The following GPRC5C variants were observed in gnomAD, a reference collection of about 807,000 sequenced individuals.
The protein encoded by GPRC5C is G protein-coupled receptor class C group 5 member C, also known as G protein-coupled receptor family C group 5 member C.
In GPRC5C, 22 loss-of-function variants were observed where a neutral mutation model predicts 31.4. The observed-to-expected ratio is 0.70, with a 90% CI of 0.50 to 1.00. The LOEUF is 1.00. Among genes scored for constraint, GPRC5C ranks in the 50% least tolerant of loss-of-function variants. The pLI is 0.00. For synonymous variants in GPRC5C, 249 were observed against 257.5 expected (o/e 0.97, Z 0.32); for missense variants, 557 against 597.2 (o/e 0.93, Z 0.70).
chr17:74,448,400 CAG>C (rs1293016631), downstream of GPRC5C, among the ~76,000 whole-genome samples: 3 of 151,914 alleles, frequency 2.0e-5, no homozygotes, highest in Non-Finnish European at 2.9e-5. Flanking sequence ...TTTTTTGAGA[CAG>C]AGTCTTGGTC....
rs367566990 is a variant in GPRC5C at position 74,440,201 on chromosome 17, A to C, written c.425A>C (p.Asn142Thr). 4.7e-5 allele frequency: 76 copies of C among 1,613,794 alleles called. No homozygotes were observed. In the African/African-American group the frequency reaches 5.6e-4, roughly 12 times the overall value. ...SCLAAHVFAL[N>T]FLARKNHGPR... ...CTGGCGGCTCACGTCTTTGCCCTCA[A>C]CTTCCTGGCCCGGAAGAACCACGGG... The change falls in exon 2 of 4, where the codon AAC becomes ACC. Residue 142 changes from asparagine (N) to threonine (T), a missense_variant. By Grantham distance (65) the Asn-to-Thr change is moderately conservative. Transcript: ENST00000392627. This position sits in a 1 kb window ranked among gnomAD's most constrained non-coding sequence, Gnocchi z 4.4.
At chr17:74,439,019 C>G (rs1012905987) in intron 1 of GPRC5C, among the ~76,000 whole-genome samples, 2 of 152,176 alleles carry the variant, frequency 1.3e-5, no homozygotes, top group Admixed American at 6.6e-5. Context: ...TTTTGCATTG[C>G]CCTTGCCTGG....
chr17:74,443,526 G>A (rs761374546), intron 2 of GPRC5C: 234 of 563,592 alleles, frequency 4.2e-4, no homozygotes, highest in Non-Finnish European at 6.7e-4. Flanking sequence ...GTTGCTGACA[G>A]AGCATTTTCT....
chr17:74,451,112 T>C (rs902093240), downstream of GPRC5C: 4 of 152,174 alleles, frequency 2.6e-5, no homozygotes, highest in East Asian at 7.7e-4. Context: ...TTCCCTCCAG[T>C]GGAAGGGAAG....
At chr17:74,445,975 G>A (rs1255849675) in intron 3 of GPRC5C, 2 of 100,274 alleles carry the variant, frequency 2.0e-5, no homozygotes, top group Middle Eastern at 4.4e-3. Flanking sequence ...CCCTGGCAAC[G>A]TAGTGAGACC....
chr17:74,440,908 G>A lies in GPRC5C; in HGVS notation c.1051+81G>A. 4.8e-6 allele frequency: 6 copies of A among 1,257,902 alleles called. No individual in the cohort carries two copies. The highest frequency in any genetic ancestry group is 5.2e-6 in the Non-Finnish European group (5 of 958,840). 77.9% of individuals were successfully genotyped at this position (1,257,902 alleles called of 1,614,324 possible). On this transcript the variant is annotated intron_variant, in intron 2 of 3. Coordinates refer to ENST00000392627, the MANE Select transcript of GPRC5C (RefSeq NM_022036.4). This position sits in a 1 kb window ranked among gnomAD's most constrained non-coding sequence, Gnocchi z 4.4. ...GCAGGACAGGGAGCCAGTCTCTTGA[G>A]CAAAATGGAAAGTTTTTGAGGTTTT...
intron 1 of GPRC5C, among the ~76,000 whole-genome samples, chr17:74,439,238 T>C (rs2055488016): frequency 6.6e-6 from 1 of 152,226 alleles, no homozygotes; most frequent in Non-Finnish European, 1.5e-5. Flanking sequence ...CTGCTGCAGC[T>C]GCTTGTTAAG....
At chr17:74,432,297 G>T (rs1402748246) in intron 1 of GPRC5C, 156 bp downstream of exon 1, 2 of 1,466,630 alleles carry the variant, frequency 1.4e-6, no homozygotes, top group Non-Finnish European at 1.8e-6. Flanking sequence ...AAGGAGCCCT[G>T]CCTGGGGACA....
chr17:74,433,775 T>C (rs748268405), intron 1 of GPRC5C: 1 of 1,600,480 alleles, frequency 6.2e-7, no homozygotes, highest in Non-Finnish European at 8.6e-7. Context: ...TTGAGTTTGG[T>C]TGGCCCTGTG....
chr17:74,435,772 T>C (rs1246242763), intron 1 of GPRC5C, among the ~76,000 whole-genome samples: 1 of 152,176 alleles, frequency 6.6e-6, no homozygotes, highest in Non-Finnish European at 1.5e-5. Context: ...TACAGGCAAG[T>C]ATTTCTAGGG....
chr17:74,440,756 T>C lies in GPRC5C; in HGVS notation c.980T>C (p.Ile327Thr). The C allele has an allele frequency of 1.3e-6, 2 of 1,581,570 alleles. No individual in the cohort carries two copies. Among genetic ancestry groups the C allele is most frequent in the East Asian group, 2.3e-5 (1 of 44,212 alleles). Reference protein sequence around the residue: ...YPTRGVGYETILKEQKGQSMF... With the variant: ...YPTRGVGYETTLKEQKGQSMF... ...ACCCGGGGCGTGGGCTATGAGACCATCCTGAAAGAGCAGAAGGGTCAGAGC... is the reference window on the plus strand; with the variant it reads ...ACCCGGGGCGTGGGCTATGAGACCACCCTGAAAGAGCAGAAGGGTCAGAGC... Residue 327 changes from isoleucine (I) to threonine (T), a missense_variant, in exon 2 of 4, where the codon ATC becomes ACC. By Grantham distance (89) the Ile-to-Thr change is moderately conservative. Coordinates refer to ENST00000392627, the MANE Select transcript of GPRC5C (RefSeq NM_022036.4). This position sits in a 1 kb window ranked among gnomAD's most constrained non-coding sequence, Gnocchi z 4.4.
rs752056775 is a variant in GPRC5C, at chr17:74,440,857, C to G, written c.1051+30C>G. Reference sequence around the variant, plus strand: ...GTCTCTGTGGATGCCCCCAGTGGCCCCTTTCTCCATCCCATGTCTTTTACT... The same window carrying G: ...GTCTCTGTGGATGCCCCCAGTGGCCGCTTTCTCCATCCCATGTCTTTTACT... On this transcript the variant is annotated intron_variant, in intron 2 of 3. Transcript: ENST00000392627. The surrounding 1 kb of genome is among the most constrained non-coding windows in gnomAD (Gnocchi z 4.4). 1.4e-6 allele frequency: 2 copies of G among 1,440,076 alleles called. No homozygotes were observed. The highest frequency in any genetic ancestry group is 5.0e-5 in the Admixed American group (2 of 40,032). The allele number at this position is 1,440,076 out of a possible 1,614,324, so 89.2% of individuals were successfully genotyped here.
At chr17:74,449,663 T>TC, downstream of GPRC5C, 1 of 230,784 alleles carries the variant, frequency 4.3e-6, no homozygotes, top group Non-Finnish European at 8.7e-6. Flanking sequence ...CACGCCCCCC[T>TC]CCCCCCAAAT....
At chr17:74,449,496 A>G (rs994164112), downstream of GPRC5C, 35 of 468,538 alleles carry the variant, frequency 7.5e-5, 1 homozygote, top group Non-Finnish European at 3.5e-5. Context: ...AACCTGAAGC[A>G]GTGGACCGAG....
At position 74,440,521 on chromosome 17, in the gene GPRC5C, A is replaced by G; in HGVS notation, c.745A>G (p.Thr249Ala). The G allele has an allele frequency of 6.2e-7, 1 of 1,614,178 alleles. No individual in the cohort carries two copies. The highest frequency in any genetic ancestry group is 2.2e-5 in the East Asian group (1 of 44,880). The change falls in exon 2 of 4, where the codon ACA (threonine) becomes GCA (alanine). Residue 249 changes from threonine (T) to alanine (A), a missense_variant. Physicochemically the swap from Thr to Ala is moderately conservative, Grantham distance 58. Coordinates refer to ENST00000392627, the MANE Select transcript of GPRC5C (RefSeq NM_022036.4). This position sits in a 1 kb window ranked among gnomAD's most constrained non-coding sequence, Gnocchi z 4.4. ...RKHGVFVLLT[T>A]ATSVAIWVVW... is the part of the protein sequence containing the mutation. ...GCATGGGGTCTTTGTGCTCCTCACC[A>G]CAGCCACCTCCGTTGCCATATGGGT... is the stretch of plus-strand genomic sequence containing the variant.
In GPRC5C at chr17:74,447,402, C is replaced by T; in HGVS notation, c.*374C>T. 1 of 993,982 alleles carries T rather than the reference C, an allele frequency of 1.0e-6. No homozygotes were observed. The highest frequency in any genetic ancestry group is 1.2e-6 in the Non-Finnish European group (1 of 830,098). The allele number at this position is 993,982 out of a possible 1,614,324, so 61.6% of individuals were successfully genotyped here. ...TGCTCCTCTGTGAGGAACAAGGGTG[C>T]CTAATAAATACATTTCTGCTTTATT... is the stretch of plus-strand genomic sequence containing the variant. On this transcript the variant is annotated 3_prime_UTR_variant, in exon 4 of 4. Transcript: ENST00000392627.
chr17:74,446,933 G>A lies in GPRC5C; in HGVS notation c.1231G>A (p.Glu411Lys). The A allele has an allele frequency of 2.5e-6, 4 of 1,614,188 alleles. No homozygotes were observed. The highest frequency in any genetic ancestry group is 1.1e-5 in the South Asian group (1 of 91,092). Reference sequence around the variant, plus strand: ...CAGTGCCAACTCGACCCTGCGGGCTGAAGACATGTACTCGGCCCAGAGCCA... The same window carrying A: ...CAGTGCCAACTCGACCCTGCGGGCTAAAGACATGTACTCGGCCCAGAGCCA... ...MGSANSTLRAEDMYSAQSHQA... is the reference protein window; with the variant it reads ...MGSANSTLRAKDMYSAQSHQA... Residue 411 changes from glutamate to lysine, a missense_variant, in exon 4 of 4, where the codon GAA becomes AAA. Physicochemically the swap from Glu to Lys is moderately conservative, Grantham distance 56. Transcript: ENST00000392627.
At chr17:74,438,830 C>T (rs1389247416) in intron 1 of GPRC5C, among the ~76,000 whole-genome samples, 3 of 152,190 alleles carry the variant, frequency 2.0e-5, no homozygotes, top group Non-Finnish European at 4.4e-5. Context: ...GTGGGAAAAT[C>T]CAATTGGTAT....
chr17:74,443,262 G>A (rs2055571369), intron 2 of GPRC5C: 2 of 220,918 alleles, frequency 9.1e-6, no homozygotes, highest in South Asian at 1.0e-4. Flanking sequence ...ACTTGCCAGG[G>A]GGCCACAGGC....
Sources: gnomAD v4.1 joint callset for allele counts (sites outside exome capture counted in the v4.1 genomes callset) on GRCh38, gnomAD v4.1.1 for gene constraint, Gnocchi (gnomAD v3.1) non-coding constraint, MANE v1.5 for transcripts, NCBI Gene and HGNC (gene_info 2026-07-23, HGNC 2026-07-21) for gene names.